TLK1: variants seen among roughly 807,000 people sequenced by gnomAD.
The protein encoded by TLK1 is serine/threonine-protein kinase tousled-like 1.
TLK1 carries 24 observed loss-of-function variants against 105.3 expected under a neutral mutation model. That is an observed-to-expected ratio of 0.23 (90% CI 0.17 to 0.32). The LOEUF (loss-of-function observed/expected upper bound fraction) is 0.32, where lower values mean the gene tolerates loss of function less well. TLK1 is among the 10% of genes least tolerant of loss of function. The pLI is 1.00. For synonymous variants in TLK1, 321 were observed against 310.4 expected (o/e 1.03, Z -0.36); for missense variants, 558 against 910.5 (o/e 0.61, Z 4.98).
intron 12 of TLK1, among the ~76,000 whole-genome samples, chr2:171,021,616 C>T (rs1685511963): frequency 6.6e-6 from 1 of 152,026 alleles, no homozygotes; most frequent in African/African-American, 2.4e-5. Flanking sequence ...ATGCATATGG[C>T]ATGGATTTAC....
intron 2 of TLK1, among the ~76,000 whole-genome samples, chr2:171,107,310 T>C (rs1558945613): frequency 1.3e-5 from 2 of 152,184 alleles, no homozygotes; most frequent in African/African-American, 4.8e-5. Context: ...TTAGACACAT[T>C]TCTCTTTTGT....
chr2:171,024,915 C>T (rs892847024), intron 12 of TLK1, among the ~76,000 whole-genome samples: 1 of 152,034 alleles, frequency 6.6e-6, no homozygotes, highest in Admixed American at 6.6e-5. Flanking sequence ...TTGGGAACAA[C>T]TATAACAATA....
At chr2:171,073,099 C>T (rs1476755971) in intron 3 of TLK1, among the ~76,000 whole-genome samples, 1 of 151,994 alleles carries the variant, frequency 6.6e-6, no homozygotes, top group Non-Finnish European at 1.5e-5. Flanking sequence ...TTTATCAGTT[C>T]TAATAATTTT....
At chr2:171,176,461 C>A (rs1420978787) in intron 1 of TLK1, among the ~76,000 whole-genome samples, 1 of 152,180 alleles carries the variant, frequency 6.6e-6, no homozygotes, top group Non-Finnish European at 1.5e-5. Flanking sequence ...TGCCCCCAAA[C>A]CTGTTCTTTC....
At position 171,117,701 on chromosome 2, in the gene TLK1, A is replaced by G. The variant is rs940072858; in HGVS notation, c.258+38T>C. 6 of 1,510,762 alleles carry G rather than the reference A, an allele frequency of 4.0e-6. No homozygotes were observed. The African/African-American group carries it at 6.9e-5, about 17-fold the overall frequency. The allele number at this position is 1,510,762 out of a possible 1,614,324, so 93.6% of individuals were successfully genotyped here. On this transcript the variant is annotated intron_variant, in intron 2 of 20. Coordinates refer to ENST00000431350, the MANE Select transcript of TLK1 (RefSeq NM_012290.5). ...ATACTATTTTAGATCATTTAATAGA[A>G]AGAAAGACTGTCAAATAAAGATGAG...
At chr2:171,063,164 G>A (rs532194867) in intron 3 of TLK1, among the ~76,000 whole-genome samples, 1 of 152,192 alleles carries the variant, frequency 6.6e-6, no homozygotes, top group South Asian at 2.1e-4. Flanking sequence ...TGGCCAACAT[G>A]GTGAAACCCT....
intron 2 of TLK1, among the ~76,000 whole-genome samples, chr2:171,107,270 T>G (rs1689968932): frequency 6.6e-6 from 1 of 152,230 alleles, no homozygotes; most frequent in Admixed American, 6.5e-5. Context: ...CTGATCTTGC[T>G]TATTATGGTG....
Position 171,160,280 on chromosome 2 carries a change from C to T in TLK1, c.139+10G>A, listed in dbSNP as rs531079606. ...GGCCCGCGAGCGGGCGCGGGCGCGG[C>T]GGTGCTTACCTTCCCTGGGCCTCCC... On this transcript the variant is annotated intron_variant, in intron 1 of 20. Coordinates refer to ENST00000431350, the MANE Select transcript of TLK1 (RefSeq NM_012290.5). The surrounding 1 kb of genome is among the most constrained non-coding windows in gnomAD (Gnocchi z 4.4). The T allele has an allele frequency of 1.3e-6, 2 of 1,532,656 alleles. No homozygotes were observed. Among genetic ancestry groups the T allele is most frequent in the Non-Finnish European group, 1.7e-6 (2 of 1,145,396 alleles). 94.9% of individuals were successfully genotyped at this position (1,532,656 alleles called of 1,614,324 possible). A position where few individuals can be genotyped will look rare whatever the true frequency, so the allele number is the denominator to read the frequency against.
At chr2:171,090,155 G>C (rs1372989323) in intron 2 of TLK1, among the ~76,000 whole-genome samples, 1 of 151,934 alleles carries the variant, frequency 6.6e-6, no homozygotes, top group Non-Finnish European at 1.5e-5. Flanking sequence ...AAGATGTCTT[G>C]AGTATCTTTT....
At chr2:171,145,273 G>A (rs923136666) in intron 1 of TLK1, among the ~76,000 whole-genome samples, 5 of 149,870 alleles carry the variant, frequency 3.3e-5, no homozygotes, top group South Asian at 2.1e-4. Flanking sequence ...GCACCACTGC[G>A]ACAGAGCAAG....
chr2:171,203,757 AAG>A (rs1269391299), intron 1 of TLK1, among the ~76,000 whole-genome samples: 1 of 152,184 alleles, frequency 6.6e-6, no homozygotes, highest in Non-Finnish European at 1.5e-5. Flanking sequence ...AGAATTATAA[AAG>A]AAAAGATGGG....
chr2:171,146,053 A>C (rs1441985287), intron 1 of TLK1, among the ~76,000 whole-genome samples: 1 of 152,182 alleles, frequency 6.6e-6, no homozygotes, highest in Non-Finnish European at 1.5e-5. Flanking sequence ...GTTATGCTTC[A>C]ATATGAAAGA....
At chr2:171,096,993 G>T (rs548689012) in intron 2 of TLK1, among the ~76,000 whole-genome samples, 1 of 152,156 alleles carries the variant, frequency 6.6e-6, no homozygotes, top group South Asian at 2.1e-4. Flanking sequence ...CTAAATTTAC[G>T]TGTAACCTCA....
chr2:171,197,328 AAAT>A (rs1343746576), intron 1 of TLK1, among the ~76,000 whole-genome samples: 6 of 152,224 alleles, frequency 3.9e-5, no homozygotes, highest in Admixed American at 1.3e-4. Flanking sequence ...GAAACTGGTT[AAAT>A]AATATTTTCT....
intron 1 of TLK1, among the ~76,000 whole-genome samples, chr2:171,189,926 C>A (rs781690553): frequency 1.3e-5 from 2 of 151,160 alleles, no homozygotes; most frequent in African/African-American, 2.5e-5. Flanking sequence ...CAGAGCGAGA[C>A]CCTGTCTCAA....
At chr2:171,064,065 G>C (rs1014698334) in intron 3 of TLK1, among the ~76,000 whole-genome samples, 11 of 152,152 alleles carry the variant, frequency 7.2e-5, no homozygotes, top group Non-Finnish European at 1.2e-4. Flanking sequence ...TGGCAAAAAT[G>C]TCTTTTCATT....
chr2:171,114,437 T>G (rs985251728), intron 2 of TLK1, among the ~76,000 whole-genome samples: 3 of 152,194 alleles, frequency 2.0e-5, no homozygotes, highest in Non-Finnish European at 2.9e-5. Context: ...TCCAGACTGT[T>G]GTCAGAGGGA....
intron 3 of TLK1, among the ~76,000 whole-genome samples, chr2:171,070,347 T>A (rs1240433727): frequency 6.6e-6 from 1 of 152,096 alleles, no homozygotes; most frequent in African/African-American, 2.4e-5. Flanking sequence ...CTATACACAC[T>A]CTGTTGTGCT....
At position 171,147,398 on chromosome 2, in the gene TLK1, A is replaced by G. The variant is rs144844892; in HGVS notation, c.139+12892T>C. 1.7e-3 allele frequency among the ~76,000 whole-genome samples: 258 copies of G among 152,334 alleles called. 2 individuals are homozygous for G. The highest frequency in any genetic ancestry group is 0.013 in the Admixed American group (199 of 15,304). ...CTCGCCCCCTTTGCCCAGTAAGCCA[A>G]ATCTTTGAAATGTAAAAAACAAAAA... is the stretch of plus-strand genomic sequence containing the variant. On this transcript the variant is annotated intron_variant, in intron 1 of 20. Transcript: ENST00000431350.
Sources: allele counts gnomAD v4.1 joint callset (sites outside exome capture counted in the v4.1 genomes callset), GRCh38; gene constraint gnomAD v4.1.1; non-coding constraint Gnocchi (gnomAD v3.1); transcripts MANE v1.5; gene names NCBI Gene and HGNC (gene_info 2026-07-23, HGNC 2026-07-21).